Variants in ROR1 observed in about 807,000 individuals in gnomAD.
ROR1 encodes the protein inactive tyrosine-protein kinase transmembrane receptor ROR1.
A neutral mutation model predicts 78.8 loss-of-function variants in ROR1; 19 were observed. That is an observed-to-expected ratio of 0.24 (90% CI 0.17 to 0.35). ROR1 has a LOEUF of 0.35. ROR1 is among the 10% of genes least tolerant of loss of function. ROR1 has a pLI of 1.00. For missense variants in ROR1, 917 were observed against 1,177.8 expected, an observed-to-expected ratio of 0.78 and a Z score of 3.24; for synonymous variants, 386 against 433.6, an observed-to-expected ratio of 0.89 and a Z score of 1.36.
chr1:64,138,480 T>G (rs1333833879), intron 5 of ROR1, among the ~76,000 whole-genome samples: 2 of 151,132 alleles, frequency 1.3e-5, no homozygotes, highest in African/African-American at 4.9e-5. Context: ...AGAAGCTATG[T>G]GGAAGCTATG....
chr1:63,881,514 G>T (rs1255488488), intron 1 of ROR1, among the ~76,000 whole-genome samples: 3 of 152,060 alleles, frequency 2.0e-5, no homozygotes, highest in African/African-American at 7.2e-5. Context: ...CTCAGAATCA[G>T]GTGGAGAACA....
intron 1 of ROR1, among the ~76,000 whole-genome samples, chr1:63,794,476 G>C (rs185183482): frequency 3.2e-4 from 49 of 152,294 alleles, no homozygotes; most frequent in African/African-American, 1.2e-3. Context: ...CCAGCACTAG[G>C]CCACGAAGGA....
chr1:63,966,888 T>C (rs1646079418), intron 1 of ROR1, among the ~76,000 whole-genome samples: 1 of 152,176 alleles, frequency 6.6e-6, no homozygotes, highest in Admixed American at 6.5e-5. Flanking sequence ...TACCAAATGA[T>C]ATCACCTTAC....
intron 1 of ROR1, among the ~76,000 whole-genome samples, chr1:63,882,250 G>A (rs1226245182): frequency 6.6e-6 from 1 of 152,128 alleles, no homozygotes; most frequent in African/African-American, 2.4e-5. Flanking sequence ...ACTTTGCCAA[G>A]ACCAGATCTC....
intron 1 of ROR1, among the ~76,000 whole-genome samples, chr1:63,864,063 G>A (rs1645200258): frequency 6.6e-6 from 1 of 152,100 alleles, no homozygotes; most frequent in Admixed American, 6.5e-5. Context: ...GTTGTTTTAA[G>A]TGCTTCCCAT....
At chr1:64,055,838 A>G (rs1646868994) in intron 4 of ROR1, among the ~76,000 whole-genome samples, 1 of 152,196 alleles carries the variant, frequency 6.6e-6, no homozygotes. Flanking sequence ...TCATCTCAAA[A>G]AGAAACTTCT....
intron 1 of ROR1, chr1:63,843,512 A>G (rs1307520317): frequency 9.3e-6 from 7 of 755,854 alleles, no homozygotes; most frequent in Non-Finnish European, 1.7e-5. Flanking sequence ...TCTGGCTCAC[A>G]TCGCCCACCA....
At position 63,774,560 on chromosome 1, in the gene ROR1, AC is replaced by A. The variant is rs1644601016; in HGVS notation, c.91+55del. 4 of 902,980 alleles carry A rather than the reference AC, an allele frequency of 4.4e-6. No homozygotes were observed. The highest frequency in any genetic ancestry group is 6.9e-5 in the Admixed American group (1 of 14,556). The allele number at this position is 902,980 out of a possible 1,614,324, so 55.9% of individuals were successfully genotyped here. On this transcript the variant is annotated intron_variant, in intron 1 of 8. Coordinates refer to ENST00000371079, the MANE Select transcript of ROR1 (RefSeq NM_005012.4). This position sits in a 1 kb window ranked among gnomAD's most constrained non-coding sequence, Gnocchi z 5.7. ...CGCCCAGACCCCCTGACCCGTGGCC[AC>A]CCTTCCGCCGTCCAGCCGGGCGCGG...
At position 64,178,724 on chromosome 1, in the gene ROR1, GGT is replaced by G; in HGVS notation, c.2685_2686del (p.Gly896AsnfsTer17). 1 of 1,614,024 alleles carries G rather than the reference GGT, an allele frequency of 6.2e-7. No homozygotes were observed. Among genetic ancestry groups the G allele is most frequent in the Non-Finnish European group, 8.5e-7 (1 of 1,180,018 alleles). ...ACACATGTCAATTCCAAATCATCCTGGTGGAATGGGTATCACCGTTTTTGGCA... is the reference window on the plus strand; with the variant it reads ...ACACATGTCAATTCCAAATCATCCTGGGAATGGGTATCACCGTTTTTGGCA... ...LPHMSIPNHP[G>X]GMGITVFGNK... On this transcript the variant is annotated frameshift_variant, in exon 9 of 9. Coordinates refer to ENST00000371079, the MANE Select transcript of ROR1 (RefSeq NM_005012.4). LOFTEE classifies it high-confidence loss of function. This position sits in a 1 kb window ranked among gnomAD's most constrained non-coding sequence, Gnocchi z 4.3.
intron 1 of ROR1, among the ~76,000 whole-genome samples, chr1:63,782,819 G>A (rs1644660768): frequency 6.6e-6 from 1 of 152,126 alleles, no homozygotes; most frequent in Non-Finnish European, 1.5e-5. Context: ...CTTTACCCTT[G>A]GGGAGTTTAC....
intron 7 of ROR1, among the ~76,000 whole-genome samples, chr1:64,154,268 A>G (rs1032303861): frequency 2.0e-5 from 3 of 152,270 alleles, no homozygotes; most frequent in Non-Finnish European, 4.4e-5. Flanking sequence ...CTCGCCTTCC[A>G]GGCATATGCC....
At chr1:64,120,993 T>C (rs1455521073) in intron 4 of ROR1, among the ~76,000 whole-genome samples, 1 of 150,200 alleles carries the variant, frequency 6.7e-6, no homozygotes, top group Non-Finnish European at 1.5e-5. Flanking sequence ...CTGTAGTGTT[T>C]ACCTTGTTCT....
intron 1 of ROR1, among the ~76,000 whole-genome samples, chr1:63,874,678 TA>T (rs1265347866): frequency 6.6e-6 from 1 of 152,136 alleles, no homozygotes; most frequent in Non-Finnish European, 1.5e-5. Flanking sequence ...GATGAATGAG[TA>T]AGGTCCCTGG....
intron 4 of ROR1, among the ~76,000 whole-genome samples, chr1:64,063,769 C>A (rs1372852566): frequency 1.3e-5 from 2 of 152,100 alleles, no homozygotes; most frequent in African/African-American, 4.8e-5. Context: ...ACCCAGGGAG[C>A]TTTATAAATT....
At chr1:63,936,150 T>C (rs758110555) in intron 1 of ROR1, among the ~76,000 whole-genome samples, 2 of 152,228 alleles carry the variant, frequency 1.3e-5, no homozygotes, top group Non-Finnish European at 2.9e-5. Flanking sequence ...TTGTCTTTTA[T>C]GTCATGAGTT....
chr1:63,963,004 A>G (rs1233743539), intron 1 of ROR1, among the ~76,000 whole-genome samples: 1 of 152,172 alleles, frequency 6.6e-6, no homozygotes, highest in Non-Finnish European at 1.5e-5. Flanking sequence ...GAGAAGTATT[A>G]GGACTTCCTT....
rs1646814500 is a variant in ROR1 at position 64,049,849 on chromosome 1, C to T, written c.322C>T (p.Arg108Trp). Reference protein sequence around the residue: ...VVQEPRRLSFRSTIYGSRLRI... With the variant: ...VVQEPRRLSFWSTIYGSRLRI... ...CCAGGAGCCCCGGAGGCTCTCCTTT[C>T]GGTCCACCATCTATGGCTCTCGGCT... Residue 108 changes from arginine to tryptophan, a missense_variant, in exon 3 of 9, where the codon CGG becomes TGG. By Grantham distance (101) the Arg-to-Trp change is moderately radical. Coordinates refer to ENST00000371079, the MANE Select transcript of ROR1 (RefSeq NM_005012.4). 1 of 1,614,094 alleles carries T rather than the reference C, an allele frequency of 6.2e-7. No individual in the cohort carries two copies. The highest frequency in any genetic ancestry group is 1.3e-5 in the African/African-American group (1 of 74,922).
rs2100648515 is a variant in ROR1 at position 64,094,726 on chromosome 1, A to T, written c.483-42643A>T. On this transcript the variant is annotated intron_variant, in intron 4 of 8. Coordinates refer to ENST00000371079, the MANE Select transcript of ROR1 (RefSeq NM_005012.4). ...TGCCTCAGCCTCCTGAGTAGATGGG[A>T]TTATAAGCATGTGCCACCATGCCCA... 2.0e-5 allele frequency: 3 copies of T among 152,462 alleles called. No homozygotes were observed. The East Asian group carries it at 5.8e-4, about 29-fold the overall frequency. The allele number at this position is 152,462 out of a possible 1,614,324, so 9.4% of individuals were successfully genotyped here. A position where few individuals can be genotyped will look rare whatever the true frequency, so the allele number is the denominator to read the frequency against.
At chr1:64,110,091 A>C (rs1029267549) in intron 4 of ROR1, among the ~76,000 whole-genome samples, 5 of 152,186 alleles carry the variant, frequency 3.3e-5, no homozygotes, top group African/African-American at 1.2e-4. Flanking sequence ...CCATGAGGCC[A>C]GGTATTGTCC....
Sources: gnomAD v4.1 joint callset for allele counts (sites outside exome capture counted in the v4.1 genomes callset) on GRCh38, gnomAD v4.1.1 for gene constraint, Gnocchi (gnomAD v3.1) non-coding constraint, MANE v1.5 for transcripts, NCBI Gene and HGNC (gene_info 2026-07-23, HGNC 2026-07-21) for gene names.